Variants in BSN observed in about 807,000 individuals in gnomAD.
The protein encoded by BSN is bassoon presynaptic cytomatrix protein, also known as protein bassoon.
A neutral mutation model predicts 264.8 loss-of-function variants in BSN; 57 were observed. That is an observed-to-expected ratio of 0.22 (90% CI 0.17 to 0.27). BSN has a LOEUF of 0.27. Ranked by LOEUF, BSN falls within the 10% of genes least tolerant of loss-of-function variation. The pLI is 1.00. For synonymous variants in BSN, 2,059 were observed against 2,137.3 expected, an observed-to-expected ratio of 0.96 and a Z score of 1.01; for missense variants, 4,615 against 5,232.5, an observed-to-expected ratio of 0.88 and a Z score of 3.64.
At chr3:49,568,194 A>T (rs1203114288) in intron 1 of BSN, among the ~76,000 whole-genome samples, 1 of 152,242 alleles carries the variant, frequency 6.6e-6, no homozygotes, top group Non-Finnish European at 1.5e-5. Context: ...AATCTTGCTG[A>T]GACCATTTTT....
At chr3:49,602,109 A>C (rs2052076805) in intron 1 of BSN, among the ~76,000 whole-genome samples, 1 of 152,246 alleles carries the variant, frequency 6.6e-6, no homozygotes, top group African/African-American at 2.4e-5. Flanking sequence ...GGCTGGAGCC[A>C]AGGGCTCCTC....
intron 1 of BSN, among the ~76,000 whole-genome samples, chr3:49,574,600 A>C (rs2051826616): frequency 7.0e-6 from 1 of 142,446 alleles, no homozygotes; most frequent in Non-Finnish European, 1.5e-5. Context: ...TGCCTGGCTA[A>C]TTTATGTGTT....
intron 5 of BSN, 21 bp downstream of exon 5, chr3:49,658,217 C>G (rs761615985): frequency 3.9e-6 from 6 of 1,521,616 alleles, no homozygotes; most frequent in Non-Finnish European, 5.3e-6. Flanking sequence ...AGGGGCTGTT[C>G]CAGGGTGGGA....
At chr3:49,606,218 T>TATTAAAAA (rs1553662059) in intron 1 of BSN, among the ~76,000 whole-genome samples, 1 of 47,682 alleles carries the variant, frequency 2.1e-5, no homozygotes, top group Non-Finnish European at 3.5e-5. Flanking sequence ...TATGTATATA[T>TATTAAAAA]TATATATACA....
At chr3:49,584,051 TA>T (rs886102626) in intron 1 of BSN, among the ~76,000 whole-genome samples, 18 of 152,046 alleles carry the variant, frequency 1.2e-4, no homozygotes, top group Admixed American at 1.2e-3. Flanking sequence ...TTTTTATTTT[TA>T]TTTTTTTTAT....
intron 9 of BSN, 89 bp from the exon 10 acceptor site, chr3:49,664,710 C>G: frequency 1.3e-6 from 2 of 1,579,478 alleles, no homozygotes; most frequent in Non-Finnish European, 1.7e-6. Context: ...GCCCCTTGGG[C>G]TGAGCTTGCC....
chr3:49,654,876 G>T lies in BSN; in HGVS notation c.5320G>T (p.Val1774Phe). 1 of 1,613,488 alleles carries T rather than the reference G, an allele frequency of 6.2e-7. No homozygotes were observed. The highest frequency in any genetic ancestry group is 8.5e-7 in the Non-Finnish European group (1 of 1,179,970). Reference protein sequence around the residue: ...GGGSPVCLAQVKQVEQAVQTA... With the variant: ...GGGSPVCLAQFKQVEQAVQTA... The stretch of plus-strand genomic sequence containing the variant: ...GGGTAGCCCTGTGTGCCTGGCCCAG[G>T]TCAAACAAGTAGAGCAGGCTGTCCA... The change falls in exon 5 of 12, where the codon GTC becomes TTC. Residue 1774 changes from valine (V) to phenylalanine (F), a missense_variant. By Grantham distance (50) the Val-to-Phe change is conservative (BLOSUM62 -1). Coordinates refer to ENST00000296452, the MANE Select transcript of BSN (RefSeq NM_003458.4). The surrounding 1 kb of genome is among the most constrained non-coding windows in gnomAD (Gnocchi z 4.1).
chr3:49,606,141 T>TATTATATATGTATATATTATATATACA (rs1553661989), intron 1 of BSN, among the ~76,000 whole-genome samples: 4 of 55,798 alleles, frequency 7.2e-5, no homozygotes, highest in South Asian at 6.4e-4. Context: ...TATACATATA[T>TATTATATATGTATATATTATATATACA]TATATATGTA....
rs190578814 is a variant in BSN at position 49,556,651 on chromosome 3, T to G, written c.224+1825T>G. On this transcript the variant is annotated intron_variant, in intron 1 of 11. Coordinates refer to ENST00000296452, the MANE Select transcript of BSN (RefSeq NM_003458.4). ...GTGGGATTTACTCCTCCAGCTGATATTCATTTTATCATAGCACCTCAGCTG... is the reference window on the plus strand; with the variant it reads ...GTGGGATTTACTCCTCCAGCTGATAGTCATTTTATCATAGCACCTCAGCTG... Among the ~76,000 whole-genome samples the G allele has an allele frequency of 1.0e-3, 159 of 152,300 alleles. 2 individuals are homozygous for G. The highest frequency in any genetic ancestry group is 9.7e-4 in the Non-Finnish European group (66 of 68,032).
At chr3:49,556,471 C>T (rs1021256073) in intron 1 of BSN, among the ~76,000 whole-genome samples, 1 of 152,196 alleles carries the variant, frequency 6.6e-6, no homozygotes, top group Non-Finnish European at 1.5e-5. Flanking sequence ...AGGCGAACCA[C>T]GGACTCCTGA....
chr3:49,650,322 C>G (rs1383082766), intron 3 of BSN, among the ~76,000 whole-genome samples: 1 of 152,206 alleles, frequency 6.6e-6, no homozygotes, highest in Non-Finnish European at 1.5e-5. Context: ...TCCCATCCCC[C>G]ACAGTTCTCC....
intron 1 of BSN, among the ~76,000 whole-genome samples, chr3:49,606,176 T>A (rs1335581276): frequency 4.0e-5 from 1 of 24,966 alleles, no homozygotes; most frequent in African/African-American, 1.3e-4. Context: ...ATATATTATA[T>A]ATGTATATAT....
At position 49,671,136 on chromosome 3, in the gene BSN, G is replaced by A. The variant is rs2052752160; in HGVS notation, c.*3651G>A. ...TGTATGTGTATGCACATGATCATGT[G>A]TGTATGTGCGTGCGTGCGTGCGTGT... On this transcript the variant is annotated 3_prime_UTR_variant, in exon 12 of 12. Transcript: ENST00000296452. The surrounding 1 kb of genome is among the most constrained non-coding windows in gnomAD (Gnocchi z 4.1). 1 of 132,546 alleles carries A rather than the reference G, an allele frequency of 7.5e-6. No homozygotes were observed. The highest frequency in any genetic ancestry group is 2.8e-5 in the African/African-American group (1 of 35,872). 8.2% of individuals were successfully genotyped at this position (132,546 alleles called of 1,614,324 possible).
Position 49,656,042 on chromosome 3 carries a change from G to T in BSN, c.6486G>T (p.Gly2162=). 1 of 1,603,438 alleles carries T rather than the reference G, an allele frequency of 6.2e-7. No individual in the cohort carries two copies. Residue 2162 remains glycine (G), a synonymous_variant, in exon 5 of 12, where the codon GGG becomes GGT. Transcript: ENST00000296452. ...TTCCAGAGGGCCACCCAAGTCCTGG[G>T]AACTTGGCCCAGTATGGGCCTGCAG... ...PTFPEGHPSP[G]NLAQYGPAAG...
In BSN at chr3:49,656,205, C is replaced by T. The variant is rs760545184; in HGVS notation, c.6649C>T (p.Arg2217Trp). 2.4e-5 allele frequency: 39 copies of T among 1,610,582 alleles called. No homozygotes were observed. The highest frequency in any genetic ancestry group is 3.3e-5 in the Admixed American group (2 of 59,842). The change falls in exon 5 of 12, where the codon CGG becomes TGG. Residue 2217 changes from arginine (R) to tryptophan (W), a missense_variant. Arg to Trp is a moderately radical substitution (Grantham distance 101, BLOSUM62 -3). Coordinates refer to ENST00000296452, the MANE Select transcript of BSN (RefSeq NM_003458.4). ...CACCACCCAGCCTGCCTCAGTCCTG[C>T]GGCCCATGGTGCGTGGTGGCATGTA... ...PITTQPASVLRPMVRGGMYRP... is the reference protein window; with the variant it reads ...PITTQPASVLWPMVRGGMYRP...
intron 2 of BSN, among the ~76,000 whole-genome samples, chr3:49,630,189 GAGAGGAATGA>G (rs1300617957): frequency 7.2e-5 from 11 of 152,380 alleles, no homozygotes; most frequent in Admixed American, 5.9e-4. Flanking sequence ...ACCTGGGCCA[GAGAGGAATGA>G]GGAGCAGGTT....
Position 49,624,988 on chromosome 3 carries a change from C to T in BSN, c.238C>T (p.Leu80=). 1 of 1,525,100 alleles carries T rather than the reference C, an allele frequency of 6.6e-7. No individual in the cohort carries two copies. The highest frequency in any genetic ancestry group is 8.8e-7 in the Non-Finnish European group (1 of 1,137,714). 94.5% of individuals were successfully genotyped at this position (1,525,100 alleles called of 1,614,324 possible). A position where few individuals can be genotyped will look rare whatever the true frequency, so the allele number is the denominator to read the frequency against. ...GPGPGSTSRR[L]DPKEPLGNQR... Reference sequence around the variant, plus strand: ...ATGTCATTTCAGCACTTCCCGGAGACTGGACCCCAAGGAACCCCTGGGTAA... The same window carrying T: ...ATGTCATTTCAGCACTTCCCGGAGATTGGACCCCAAGGAACCCCTGGGTAA... The change falls in exon 2 of 12, where the codon CTG becomes TTG. Residue 80 remains leucine, a synonymous_variant. Transcript: ENST00000296452.
rs1013698882 is a variant in BSN at position 49,623,270 on chromosome 3, C to G, written c.225-1705C>G. ...GGGCAGTCTCCTGCACAGGCTGGGC[C>G]TCCACACTGCTCTCAGCAAGTCAGC... On this transcript the variant is annotated intron_variant, in intron 1 of 11. Transcript: ENST00000296452. 3.9e-5 allele frequency among the ~76,000 whole-genome samples: 6 copies of G among 152,218 alleles called. No individual in the cohort carries two copies. The East Asian group carries it at 1.2e-3, about 29-fold the overall frequency.
rs1239203943 is a variant in BSN, at chr3:49,652,760, C to T, written c.3204C>T (p.Arg1068=). 6.4e-7 allele frequency: 1 copy of T among 1,554,426 alleles called. No homozygotes were observed. The highest frequency in any genetic ancestry group is 8.7e-7 in the Non-Finnish European group (1 of 1,150,778). Residue 1068 remains arginine, a synonymous_variant, in exon 5 of 12, where the codon CGC becomes CGT. Transcript: ENST00000296452. ...GGGAGGTGGAGCAGCAGCGCATCCG[C>T]AGCACGGCCCGCAAGACCCGGCGGG... ...KMREVEQQRI[R]STARKTRRDK... is the part of the protein sequence containing the mutation.
Sources: gnomAD v4.1 joint callset for allele counts (sites outside exome capture counted in the v4.1 genomes callset) on GRCh38, gnomAD v4.1.1 for gene constraint, Gnocchi (gnomAD v3.1) non-coding constraint, MANE v1.5 for transcripts, NCBI Gene and HGNC (gene_info 2026-07-23, HGNC 2026-07-21) for gene names.